Variants in UNG observed in about 807,000 individuals in gnomAD.
UNG encodes uracil-DNA glycosylase.
UNG carries 34 observed loss-of-function variants against 36.5 expected under a neutral mutation model. That is an observed-to-expected ratio of 0.93 (90% CI 0.71 to 1.24). The LOEUF is 1.24. UNG is among the 50% of genes most tolerant of loss of function. The pLI is 0.00. For missense variants in UNG, 391 were observed against 397.6 expected (o/e 0.98, Z 0.14); for synonymous variants, 172 against 157.8 (o/e 1.09, Z -0.67).
intron 4 of UNG, 63 bp from the exon 5 acceptor site, chr12:109,102,776 T>TA: frequency 7.4e-7 from 1 of 1,354,844 alleles, no homozygotes; most frequent in Non-Finnish European, 1.1e-6. Flanking sequence ...TCTTAGACGT[T>TA]ACTGAGCTTT....
At chr12:109,104,212 A>AT (rs964241683) in intron 6 of UNG, among the ~76,000 whole-genome samples, 29 of 150,812 alleles carry the variant, frequency 1.9e-4, no homozygotes, top group South Asian at 8.4e-4. Flanking sequence ...CACCCGGCTG[A>AT]TTTTTTTTTA....
intron 3 of UNG, among the ~76,000 whole-genome samples, chr12:109,100,958 C>G (rs3219221): frequency 6.6e-6 from 1 of 151,912 alleles, no homozygotes; most frequent in Admixed American, 6.6e-5. Flanking sequence ...CAACACCTCC[C>G]GTGACAGGAA....
chr12:109,109,852 G>A lies in UNG; in HGVS notation c.825G>A (p.Thr275=), dbSNP rs765151419. ...IDRKRHHVLQ[T]AHPSPLSVYR... is the part of the protein sequence containing the mutation. Reference sequence around the variant, plus strand: ...AGAAGCGGCACCATGTACTACAGACGGCTCATCCCTCCCCTTTGTCAGTGT... The same window carrying A: ...AGAAGCGGCACCATGTACTACAGACAGCTCATCCCTCCCCTTTGTCAGTGT... The change falls in exon 7 of 7, where the codon ACG becomes ACA. Residue 275 remains threonine (T), a synonymous_variant. Coordinates refer to ENST00000242576, the MANE Select transcript of UNG (RefSeq NM_080911.3). 1.6e-5 allele frequency: 26 copies of A among 1,613,684 alleles called. No individual in the cohort carries two copies. Among genetic ancestry groups the A allele is most frequent in the South Asian group, 5.5e-5 (5 of 91,068 alleles).
rs747696767 is a variant in UNG at position 109,101,860 on chromosome 12, C to T, written c.436-42C>T. The T allele has an allele frequency of 6.5e-6, 10 of 1,544,786 alleles. No homozygotes were observed. The East Asian group carries it at 2.2e-4, about 35-fold the overall frequency. On this transcript the variant is annotated intron_variant, in intron 3 of 6. Coordinates refer to ENST00000242576, the MANE Select transcript of UNG (RefSeq NM_080911.3). ...TTTGAGGCAGGGTCTGTGCTGCTTA[C>T]ATTACAGTATTGTTTAATTCCTGAC...
chr12:109,105,845 G>A (rs2042211500), intron 6 of UNG, among the ~76,000 whole-genome samples: 1 of 152,228 alleles, frequency 6.6e-6, no homozygotes, highest in Admixed American at 6.5e-5. Context: ...TTGCCTGGAG[G>A]GTTCTGATGC....
chr12:109,098,325 A>G (rs745453513), intron 1 of UNG, 107 bp from the exon 2 acceptor site: 3 of 1,598,948 alleles, frequency 1.9e-6, no homozygotes, highest in Non-Finnish European at 2.6e-6. Context: ...CCTGTTCCAC[A>G]AATGGGCGTC....
chr12:109,106,931 A>ATACG (rs1566123307), intron 6 of UNG, among the ~76,000 whole-genome samples: 1 of 97,466 alleles, frequency 1.0e-5, no homozygotes, highest in Admixed American at 1.2e-4. Flanking sequence ...ATATATATAT[A>ATACG]TATAAAAAAT....
At position 109,109,932 on chromosome 12, in the gene UNG, A is replaced by G. The variant is rs1414889379; in HGVS notation, c.905A>G (p.Lys302Arg). 1 of 1,614,214 alleles carries G rather than the reference A, an allele frequency of 6.2e-7. No homozygotes were observed. The highest frequency in any genetic ancestry group is 1.7e-5 in the Admixed American group (1 of 60,024). ...TCAAAGACCAATGAGCTGCTGCAGAAGTCTGGCAAGAAGCCCATTGACTGG... is the reference window on the plus strand; with the variant it reads ...TCAAAGACCAATGAGCTGCTGCAGAGGTCTGGCAAGAAGCCCATTGACTGG... ...HFSKTNELLQ[K>R]SGKKPIDWKE... The change falls in exon 7 of 7, where the codon AAG becomes AGG. Residue 302 changes from lysine (K) to arginine (R), a missense_variant. By Grantham distance (26) the Lys-to-Arg change is conservative. Transcript: ENST00000242576.
intron 6 of UNG, among the ~76,000 whole-genome samples, chr12:109,109,327 C>A (rs142145673): frequency 6.6e-6 from 1 of 152,190 alleles, no homozygotes; most frequent in African/African-American, 2.4e-5. Context: ...CTCTTTGCAT[C>A]TCAGAGCCTA....
chr12:109,102,232 C>G lies in UNG; in HGVS notation c.533+233C>G, dbSNP rs3219231. Among the ~76,000 whole-genome samples, 524 of 152,252 alleles carry G rather than the reference C, an allele frequency of 3.4e-3. 2 individuals carry two copies. Among genetic ancestry groups the G allele is most frequent in the African/African-American group, 0.012 (481 of 41,550 alleles). On this transcript the variant is annotated intron_variant, in intron 4 of 6. Coordinates refer to ENST00000242576, the MANE Select transcript of UNG (RefSeq NM_080911.3). The stretch of plus-strand genomic sequence containing the variant: ...ATCCCTGGCCTCTACCACTGGAAAC[C>G]AGGAGCAACCCCCAGCTCGTGATAA...
intron 3 of UNG, among the ~76,000 whole-genome samples, chr12:109,100,477 A>G (rs557569061): frequency 1.3e-5 from 2 of 152,334 alleles, no homozygotes; most frequent in South Asian, 4.1e-4. Flanking sequence ...CACACCTAAT[A>G]CTTAGAAAAT....
chr12:109,105,699 C>A (rs2042210507), intron 6 of UNG, among the ~76,000 whole-genome samples: 1 of 152,130 alleles, frequency 6.6e-6, no homozygotes, highest in Non-Finnish European at 1.5e-5. Flanking sequence ...CACCTGCCTA[C>A]CTCTCTTTCT....
intron 6 of UNG, among the ~76,000 whole-genome samples, chr12:109,108,966 T>C (rs3219263): frequency 0.018 from 2,804 of 152,240 alleles, 81 homozygotes; most frequent in African/African-American, 0.063. Context: ...CAGTGTTCAA[T>C]GAGTTACATG....
At chr12:109,107,290 T>A (rs1464719404) in intron 6 of UNG, among the ~76,000 whole-genome samples, 3 of 152,190 alleles carry the variant, frequency 2.0e-5, no homozygotes, top group South Asian at 4.2e-4. Flanking sequence ...GGCCTCAACC[T>A]CCCAGGCTCA....
At chr12:109,104,033 ATCATTATTG>A (rs895290526) in intron 6 of UNG, among the ~76,000 whole-genome samples, 2 of 137,594 alleles carry the variant, frequency 1.5e-5, no homozygotes, top group Non-Finnish European at 3.1e-5. Flanking sequence ...ACTATCAGTG[ATCATTATTG>A]TTTTGTTTCT....
rs569483776 is a variant in UNG at position 109,101,148 on chromosome 12, A to C, written c.436-754A>C. 3.7e-5 allele frequency among the ~76,000 whole-genome samples: 4 copies of C among 108,846 alleles called. No individual in the cohort carries two copies. The East Asian group carries it at 9.3e-4, about 25-fold the overall frequency. The allele number at this position is 108,846 out of a possible 152,430, so 71.4% of individuals were successfully genotyped here. A position where few individuals can be genotyped will look rare whatever the true frequency, so the allele number is the denominator to read the frequency against. Reference sequence around the variant, plus strand: ...TTTTTTTTTTTTTGAGATGGAGTGCAGTGGTGCAATCTCGGCTTACTGCAA... The same window carrying C: ...TTTTTTTTTTTTTGAGATGGAGTGCCGTGGTGCAATCTCGGCTTACTGCAA... On this transcript the variant is annotated intron_variant, in intron 3 of 6. Transcript: ENST00000242576.
chr12:109,106,728 GTC>G (rs758616911), intron 6 of UNG, among the ~76,000 whole-genome samples: 1 of 149,758 alleles, frequency 6.7e-6, no homozygotes, highest in South Asian at 2.1e-4. Context: ...GTGAAACCCT[GTC>G]TCTACTAAAA....
At position 109,097,609 on chromosome 12, in the gene UNG, C is replaced by T. The variant is rs998107697; in HGVS notation, c.-71C>T. On this transcript the variant is annotated 5_prime_UTR_variant, in exon 1 of 7. Transcript: ENST00000242576. ...GCCGCTTGGCGCCAATTGCTGACCG[C>T]CACAGCCACAGCCAGGGCTAGCCTC... 10 of 1,565,172 alleles carry T rather than the reference C, an allele frequency of 6.4e-6. No individual in the cohort carries two copies. The highest frequency in any genetic ancestry group is 5.6e-5 in the Admixed American group (3 of 53,776).
chr12:109,102,482 A>G (rs1408758630), intron 4 of UNG, among the ~76,000 whole-genome samples: 3 of 152,124 alleles, frequency 2.0e-5, no homozygotes, highest in Non-Finnish European at 4.4e-5. Context: ...GAAAAAAAAA[A>G]AAAAGAACCA....
Sources: allele counts gnomAD v4.1 joint callset (sites outside exome capture counted in the v4.1 genomes callset), GRCh38; gene constraint gnomAD v4.1.1; transcripts MANE v1.5; gene names NCBI Gene and HGNC (gene_info 2026-07-23, HGNC 2026-07-21).